ANK3: variants seen among roughly 807,000 people sequenced by gnomAD.
ANK3 encodes the protein ankyrin-3.
ANK3 carries 57 observed loss-of-function variants against 370.9 expected under a neutral mutation model. That is an observed-to-expected ratio of 0.15 (90% CI 0.12 to 0.19). The LOEUF (loss-of-function observed/expected upper bound fraction) is 0.19. Among genes scored for constraint, ANK3 ranks in the 10% least tolerant of loss-of-function variants. The pLI is 1.00. For missense variants in ANK3, 4,439 were observed against 5,302.1 expected (o/e 0.84, Z 5.06); for synonymous variants, 1,929 against 1,946.3 (o/e 0.99, Z 0.23).
intron 1 of ANK3, among the ~76,000 whole-genome samples, chr10:60,716,179 C>G (rs2079784881): frequency 7.3e-6 from 1 of 137,200 alleles, no homozygotes; most frequent in Non-Finnish European, 1.6e-5. Flanking sequence ...CATCAAAATC[C>G]AAGAAAGTTA....
In ANK3 at chr10:60,636,447, G is replaced by A. The variant is rs912556033; in HGVS notation, c.58-21223C>T. On this transcript the variant is annotated intron_variant, in intron 1 of 43. Coordinates refer to the ANK3 transcript ENST00000373827. ...AACGTTGTCCAACTTTCTTCTCTTC[G>A]TGTGATGGCTAACTTTGCATCTGGT... is the stretch of plus-strand genomic sequence containing the variant. Among the ~76,000 whole-genome samples the A allele has an allele frequency of 2.6e-5, 4 of 152,094 alleles. No homozygotes were observed. The South Asian group carries it at 8.3e-4, about 32-fold the overall frequency.
intron 39 of ANK3, 56 bp downstream of exon 39, chr10:60,064,101 C>T: frequency 6.8e-7 from 1 of 1,473,950 alleles, no homozygotes; most frequent in African/African-American, 1.4e-5. Context: ...GTTGGCTTAT[C>T]TAAAATATTA....
chr10:60,589,640 C>T (rs1481296120), intron 2 of ANK3, among the ~76,000 whole-genome samples: 1 of 152,168 alleles, frequency 6.6e-6, no homozygotes, highest in African/African-American at 2.4e-5. Context: ...GCAATGCCTT[C>T]ATTCCATAGA....
chr10:60,542,046 G>A (rs1356551957), intron 2 of ANK3, among the ~76,000 whole-genome samples: 2 of 151,844 alleles, frequency 1.3e-5, no homozygotes, highest in Non-Finnish European at 2.9e-5. Context: ...AGAATAGGAT[G>A]CTTGAGCCAA....
intron 1 of ANK3, among the ~76,000 whole-genome samples, chr10:60,377,500 A>G (rs1395643088): frequency 6.6e-6 from 1 of 152,250 alleles, no homozygotes; most frequent in East Asian, 1.9e-4. Context: ...GAAGTTAAAA[A>G]CATAAAGCTT....
intron 1 of ANK3, among the ~76,000 whole-genome samples, chr10:60,653,792 C>T (rs558909172): frequency 4.6e-5 from 7 of 152,004 alleles, no homozygotes; most frequent in Admixed American, 1.3e-4. Context: ...CACTTGGGCC[C>T]AGGAGGCTGA....
At chr10:60,497,415 A>C (rs558859245) in intron 2 of ANK3, among the ~76,000 whole-genome samples, 5 of 152,318 alleles carry the variant, frequency 3.3e-5, no homozygotes, top group African/African-American at 4.8e-5. Flanking sequence ...AATATGCTTA[A>C]CCCCAAAAGC....
intron 2 of ANK3, among the ~76,000 whole-genome samples, chr10:60,561,672 A>C (rs1197601083): frequency 6.6e-6 from 1 of 152,232 alleles, no homozygotes. Context: ...TTTAAAGTTC[A>C]TGCCAACTGG....
chr10:60,083,633 A>T lies in ANK3; in HGVS notation c.4075-16T>A. 1.3e-6 allele frequency: 2 copies of T among 1,559,502 alleles called. No individual in the cohort carries two copies. The highest frequency in any genetic ancestry group is 8.7e-7 in the Non-Finnish European group (1 of 1,149,694). On this transcript the variant is annotated splice_polypyrimidine_tract_variant and intron_variant, in intron 32 of 43. Coordinates refer to ENST00000280772, the MANE Select transcript of ANK3 (RefSeq NM_020987.5). Reference sequence around the variant, plus strand: ...CTTCCAGAACCTTTTAGAGTAAAAGAAATAAACAATTTAATGTTAATCTGA... The same window carrying T: ...CTTCCAGAACCTTTTAGAGTAAAAGTAATAAACAATTTAATGTTAATCTGA...
At chr10:60,123,858 T>C (rs1256054467) in intron 25 of ANK3, among the ~76,000 whole-genome samples, 1 of 152,218 alleles carries the variant, frequency 6.6e-6, no homozygotes, top group East Asian at 1.9e-4. Context: ...ATAACTTCAC[T>C]CTACGGCCAC....
At chr10:60,181,148 A>G (rs2096170056) in intron 18 of ANK3, among the ~76,000 whole-genome samples, 181 bp downstream of exon 18, 1 of 152,202 alleles carries the variant, frequency 6.6e-6, no homozygotes, top group South Asian at 2.1e-4. Flanking sequence ...GTTAAAGACA[A>G]AAGTCCCTGG....
chr10:60,133,788 G>C (rs1233206133), intron 25 of ANK3, among the ~76,000 whole-genome samples: 2 of 152,064 alleles, frequency 1.3e-5, no homozygotes, highest in African/African-American at 4.8e-5. Context: ...GGGTGTGGTG[G>C]TGCGCCTGTG....
At chr10:60,420,643 A>T (rs1229792343) in intron 2 of ANK3, among the ~76,000 whole-genome samples, 1 of 152,130 alleles carries the variant, frequency 6.6e-6, no homozygotes, top group Admixed American at 6.6e-5. Context: ...CTGTGTCAAA[A>T]TGAACCATTA....
chr10:60,341,762 T>C (rs965056016), intron 1 of ANK3, among the ~76,000 whole-genome samples: 1 of 152,190 alleles, frequency 6.6e-6, no homozygotes, highest in Admixed American at 6.5e-5. Flanking sequence ...TTATGCAAAA[T>C]ACACAGTTTA....
At chr10:60,270,005 CT>C in intron 5 of ANK3, 125 bp downstream of exon 5, 1 of 497,664 alleles carries the variant, frequency 2.0e-6, no homozygotes. Context: ...TTTCATAAAA[CT>C]TATGAACCCA....
At chr10:60,733,246 G>A in intron 1 of ANK3, 1 of 1,241,010 alleles carries the variant, frequency 8.1e-7, no homozygotes, top group Non-Finnish European at 1.0e-6. Context: ...CAGGTAGGGG[G>A]GCGGCGCGGC....
chr10:60,032,194 C>CTTTTTTTTTTTTTTTTTTTTTTTTT lies in ANK3; in HGVS notation c.*20-2393_*20-2369dup, dbSNP rs552219776. Among the ~76,000 whole-genome samples the CTTTTTTTTTTTTTTTTTTTTTTTTT allele has an allele frequency of 5.6e-4, 24 of 43,130 alleles. 5 individuals are homozygous for CTTTTTTTTTTTTTTTTTTTTTTTTT. The highest frequency in any genetic ancestry group is 1.0e-3 in the South Asian group (1 of 982). 28.3% of individuals were successfully genotyped at this position (43,130 alleles called of 152,430 possible). ...TTCAGCTATTATAAATACACAGCTTCTTTTTTTTTTTTTTTTTTTTTTTTT... is the reference window on the plus strand; with the variant it reads ...TTCAGCTATTATAAATACACAGCTTCTTTTTTTTTTTTTTTTTTTTTTTTTTTTTTTTTTTTTTTTTTTTTTTTTT... On this transcript the variant is annotated intron_variant, in intron 43 of 43. Coordinates refer to ENST00000280772, the MANE Select transcript of ANK3 (RefSeq NM_020987.5).
chr10:60,065,966 T>C (rs1273474914), intron 38 of ANK3, among the ~76,000 whole-genome samples: 2 of 152,122 alleles, frequency 1.3e-5, no homozygotes. Flanking sequence ...GCAGATTACA[T>C]TGTATGTATA....
chr10:60,440,180 C>T (rs916483223), intron 2 of ANK3, among the ~76,000 whole-genome samples: 1 of 152,006 alleles, frequency 6.6e-6, no homozygotes, highest in East Asian at 1.9e-4. Context: ...CACCTCCTTG[C>T]CCTTGACTCG....
Sources: allele counts gnomAD v4.1 joint callset (sites outside exome capture counted in the v4.1 genomes callset), GRCh38; gene constraint gnomAD v4.1.1; transcripts MANE v1.5; gene names NCBI Gene and HGNC (gene_info 2026-07-23, HGNC 2026-07-21).